Variants in SMYD2 observed in about 807,000 individuals in gnomAD.
SMYD2 encodes N-lysine methyltransferase SMYD2.
Under a neutral mutation model 59.1 loss-of-function variants are expected in SMYD2, and 53 were observed. The observed-to-expected ratio is 0.90, with a 90% CI of 0.72 to 1.13. SMYD2 has a LOEUF of 1.13. SMYD2 is among the 50% of genes most tolerant of loss of function. The pLI, the probability that SMYD2 is intolerant of heterozygous loss-of-function variation, is 0.00. For missense variants in SMYD2, 494 were observed against 544.7 expected (o/e 0.91, Z 0.93); for synonymous variants, 208 against 198.8 (o/e 1.05, Z -0.39).
intron 6 of SMYD2, among the ~76,000 whole-genome samples, chr1:214,327,140 G>A (rs1311290496): frequency 1.3e-5 from 2 of 152,218 alleles, no homozygotes; most frequent in Non-Finnish European, 2.9e-5. Context: ...GGGTGTCTCC[G>A]GGTCTCTCAG....
In SMYD2 at chr1:214,330,176, C is replaced by T. The variant is rs1202765467; in HGVS notation, c.714C>T (p.Thr238=). 1.2e-6 allele frequency: 2 copies of T among 1,603,970 alleles called. No individual in the cohort carries two copies. The highest frequency in any genetic ancestry group is 1.7e-4 in the Middle Eastern group (1 of 6,018). ...QEIKPGEEVF[T]SYIDLLYPTE... is the part of the protein sequence containing the mutation. ...CTTTTTGGACCCCGTAGGTTTTTAC[C>T]AGCTATATTGATCTCCTGTACCCAA... is the stretch of plus-strand genomic sequence containing the variant. Residue 238 remains threonine (T), a synonymous_variant, in exon 8 of 12, where the codon ACC becomes ACT. Coordinates refer to ENST00000366957, the MANE Select transcript of SMYD2 (RefSeq NM_020197.3).
In SMYD2 at chr1:214,336,771, T is replaced by C; in HGVS notation, c.1289T>C (p.Ile430Thr). The change falls in exon 12 of 12, where the codon ATT (isoleucine) becomes ACT (threonine). Residue 430 changes from isoleucine to threonine, a missense_variant. Coordinates refer to ENST00000366957, the MANE Select transcript of SMYD2 (RefSeq NM_020197.3). ...TATATTTCTGAGATCAAACAGGAAA[T>C]TGAAAGCCACTGAAACTATGCAGCA... ...HPYISEIKQE[I>T]ESH The C allele has an allele frequency of 1.2e-6, 2 of 1,613,486 alleles. No homozygotes were observed. The highest frequency in any genetic ancestry group is 1.7e-6 in the Non-Finnish European group (2 of 1,179,890).
intron 1 of SMYD2, among the ~76,000 whole-genome samples, chr1:214,287,733 T>C (rs748709335): frequency 6.6e-6 from 1 of 152,086 alleles, no homozygotes; most frequent in African/African-American, 2.4e-5. Context: ...ATAATATACC[T>C]ACACAGGTAA....
intron 1 of SMYD2, among the ~76,000 whole-genome samples, chr1:214,304,111 A>G (rs181855027): frequency 2.0e-5 from 3 of 152,364 alleles, no homozygotes; most frequent in African/African-American, 7.2e-5. Context: ...TTGGGAAGCA[A>G]CAATGTCCCT....
chr1:214,304,110 A>C (rs1251999164), intron 1 of SMYD2, among the ~76,000 whole-genome samples: 1 of 152,250 alleles, frequency 6.6e-6, no homozygotes, highest in Non-Finnish European at 1.5e-5. Context: ...GTTGGGAAGC[A>C]ACAATGTCCC....
intron 3 of SMYD2, among the ~76,000 whole-genome samples, chr1:214,317,815 T>C (rs1294045405): frequency 6.6e-6 from 1 of 152,202 alleles, no homozygotes; most frequent in Non-Finnish European, 1.5e-5. Flanking sequence ...GCCCTGTTCT[T>C]TCCCGTAACA....
In SMYD2 at chr1:214,281,249, G is replaced by C; in HGVS notation, c.-6G>C. Reference sequence around the variant, plus strand: ...GCACAGCCGGCGGCCGCGCCCCGCCGCCACCATGAGGGCCGAGGGCCTCGG... The same window carrying C: ...GCACAGCCGGCGGCCGCGCCCCGCCCCCACCATGAGGGCCGAGGGCCTCGG... On this transcript the variant is annotated 5_prime_UTR_variant, in exon 1 of 12. Coordinates refer to ENST00000366957, the MANE Select transcript of SMYD2 (RefSeq NM_020197.3). 1 of 1,234,864 alleles carries C rather than the reference G, an allele frequency of 8.1e-7. No homozygotes were observed. The highest frequency in any genetic ancestry group is 1.6e-5 in the African/African-American group (1 of 63,828). 76.5% of individuals were successfully genotyped at this position (1,234,864 alleles called of 1,614,324 possible).
chr1:214,321,257 T>TATAC (rs1553255709), intron 5 of SMYD2, among the ~76,000 whole-genome samples: 1 of 152,096 alleles, frequency 6.6e-6, no homozygotes, highest in Admixed American at 6.6e-5. Context: ...TATATATATA[T>TATAC]ACACACACAT....
At chr1:214,316,879 C>G (rs1657093934) in intron 3 of SMYD2, among the ~76,000 whole-genome samples, 2 of 152,116 alleles carry the variant, frequency 1.3e-5, no homozygotes, top group Non-Finnish European at 2.9e-5. Flanking sequence ...AGTATTTGGG[C>G]TGAATAAGTC....
At chr1:214,281,448 G>A (rs760885006) in intron 1 of SMYD2, 21 bp downstream of exon 1, 33 of 1,387,128 alleles carry the variant, frequency 2.4e-5, no homozygotes, top group Non-Finnish European at 2.6e-5. Flanking sequence ...GGCGGCGGCG[G>A]CGGCGGGCGG....
At chr1:214,325,601 G>A (rs1050946025) in intron 6 of SMYD2, among the ~76,000 whole-genome samples, 7 of 152,218 alleles carry the variant, frequency 4.6e-5, no homozygotes, top group Admixed American at 2.0e-4. Context: ...TCTGCCAGAC[G>A]CTGTGCGTTG....
intron 10 of SMYD2, 42 bp from the exon 11 acceptor site, chr1:214,334,158 A>G (rs1657399692): frequency 4.4e-6 from 7 of 1,581,992 alleles, no homozygotes; most frequent in Non-Finnish European, 5.2e-6. Context: ...GCGGCTCAGT[A>G]GCCGCTGACA....
intron 2 of SMYD2, among the ~76,000 whole-genome samples, chr1:214,314,098 A>AC (rs1265505661): frequency 1.5e-4 from 23 of 151,928 alleles, no homozygotes; most frequent in Non-Finnish European, 2.5e-4. Context: ...AATCACTTGA[A>AC]CCCGGGAGGC....
Position 214,336,429 on chromosome 1 carries a change from A to G in SMYD2, c.1222-275A>G, listed in dbSNP as rs550211480. On this transcript the variant is annotated intron_variant, in intron 11 of 11. Coordinates refer to ENST00000366957, the MANE Select transcript of SMYD2 (RefSeq NM_020197.3). ...CGCCTGTGGTCCCAGCTACTCGGGA[A>G]GCTGAGGCAGGAGAATGGCGTGAAC... Among the ~76,000 whole-genome samples the G allele has an allele frequency of 1.9e-3, 295 of 152,296 alleles. 16 individuals are homozygous for G. In the South Asian group the frequency reaches 0.054, roughly 28 times the overall value.
At chr1:214,320,370 T>C (rs1657154164) in intron 5 of SMYD2, among the ~76,000 whole-genome samples, 1 of 152,186 alleles carries the variant, frequency 6.6e-6, no homozygotes, top group South Asian at 2.1e-4. Flanking sequence ...TTTTACTGGG[T>C]GACTTTCTGG....
chr1:214,313,916 C>T (rs962058230), intron 2 of SMYD2, among the ~76,000 whole-genome samples: 6 of 152,102 alleles, frequency 3.9e-5, no homozygotes, highest in South Asian at 4.2e-4. Context: ...CGGTGGCTCA[C>T]GCCTGTAATC....
chr1:214,329,634 C>G (rs1657318449), intron 7 of SMYD2, among the ~76,000 whole-genome samples: 1 of 152,228 alleles, frequency 6.6e-6, no homozygotes, highest in Non-Finnish European at 1.5e-5. Context: ...TCACCCTCCG[C>G]TGGCCACCCA....
chr1:214,328,462 A>AC (rs35438099), intron 7 of SMYD2, among the ~76,000 whole-genome samples: 41,140 of 151,926 alleles, frequency 0.27, 5,858 homozygotes, highest in East Asian at 0.47. Context: ...GTGATTCCTG[A>AC]CTACCTCATG....
intron 1 of SMYD2, among the ~76,000 whole-genome samples, chr1:214,289,430 G>A (rs1656601292): frequency 6.6e-6 from 1 of 152,102 alleles, no homozygotes; most frequent in Non-Finnish European, 1.5e-5. Context: ...TGTCTTCCTG[G>A]AGTCATGAAT....
Sources: allele counts gnomAD v4.1 joint callset (sites outside exome capture counted in the v4.1 genomes callset), GRCh38; gene constraint gnomAD v4.1.1; transcripts MANE v1.5; gene names NCBI Gene and HGNC (gene_info 2026-07-23, HGNC 2026-07-21).